Variants in CALN1 observed in about 807,000 individuals in gnomAD.
The protein encoded by CALN1 is calcium-binding protein 8.
In CALN1, 17 loss-of-function variants were observed where a neutral mutation model predicts 30.6. The observed-to-expected ratio is 0.56, with a 90% CI of 0.38 to 0.83. The LOEUF is 0.83. Among genes scored for constraint, CALN1 ranks in the 40% least tolerant of loss-of-function variants. The pLI, the probability that CALN1 is intolerant of heterozygous loss-of-function variation, is 0.00. For missense variants in CALN1, 291 were observed against 354.9 expected (o/e 0.82, Z 1.45); for synonymous variants, 156 against 131.4 (o/e 1.19, Z -1.28).
chr7:72,113,628 A>C (rs1807730538), intron 3 of CALN1, among the ~76,000 whole-genome samples: 1 of 152,114 alleles, frequency 6.6e-6, no homozygotes, highest in Admixed American at 6.6e-5. Context: ...TTCACAAATA[A>C]AGTTTTATTG....
At chr7:72,479,263 G>A in the CALN1 span, among the ~76,000 whole-genome samples, 1 of 152,140 alleles carries the variant, frequency 6.6e-6, no homozygotes, top group Non-Finnish European at 1.5e-5. Flanking sequence ...ATCAAGTTTG[G>A]AAAGTTCTTT....
At chr7:71,988,782 C>T (rs1369623418) in intron 5 of CALN1, among the ~76,000 whole-genome samples, 1 of 152,074 alleles carries the variant, frequency 6.6e-6, no homozygotes, top group African/African-American at 2.4e-5. Context: ...TAGAGCACTA[C>T]ATGGGAATAG....
the CALN1 span, among the ~76,000 whole-genome samples, chr7:72,487,359 C>T: frequency 6.6e-6 from 1 of 151,768 alleles, no homozygotes; most frequent in South Asian, 2.1e-4. Context: ...GTGTTGAGAC[C>T]AGGAAATAAA....
the CALN1 span, among the ~76,000 whole-genome samples, chr7:72,484,000 A>G: frequency 6.6e-6 from 1 of 151,898 alleles, no homozygotes; most frequent in Non-Finnish European, 1.5e-5. Context: ...ATCTTGGCTC[A>G]CTGCAAACTT....
At position 71,861,920 on chromosome 7, in the gene CALN1, C is replaced by T. The variant is rs150712875; in HGVS notation, c.502-51428G>A. 2.1e-4 allele frequency among the ~76,000 whole-genome samples: 32 copies of T among 152,256 alleles called. No individual in the cohort carries two copies. The East Asian group carries it at 6.0e-3, about 29-fold the overall frequency. ...TTTCCTTAGAGAATTCCAGGGCTGC[C>T]TGTCTACTTAGATGAAAATCCTTGA... On this transcript the variant is annotated intron_variant, in intron 5 of 6. Transcript: ENST00000395275.
intron 5 of CALN1, among the ~76,000 whole-genome samples, chr7:71,981,901 G>C (rs940914022): frequency 6.6e-6 from 1 of 152,096 alleles, no homozygotes; most frequent in Non-Finnish European, 1.5e-5. Flanking sequence ...GTGGTGGTAC[G>C]AGAGTCGAGG....
intron 2 of CALN1, among the ~76,000 whole-genome samples, chr7:72,313,768 T>C (rs1800226017): frequency 6.6e-6 from 1 of 152,108 alleles, no homozygotes; most frequent in Admixed American, 6.6e-5. Flanking sequence ...GAACTCATTT[T>C]CCCCTCTCTT....
At chr7:72,294,876 A>G (rs1447991436) in intron 2 of CALN1, among the ~76,000 whole-genome samples, 1 of 152,176 alleles carries the variant, frequency 6.6e-6, no homozygotes, top group Non-Finnish European at 1.5e-5. Flanking sequence ...GGATATGAAG[A>G]AAAGTGGGTA....
Position 72,194,655 on chromosome 7 carries a change from G to A in CALN1, c.244+84031C>T, listed in dbSNP as rs903951600. ...TCGCCAGGCTGGAGTGCAGTGGCACGATCTTGGCTCACTGAAACCTCTGCC... is the reference window on the plus strand; with the variant it reads ...TCGCCAGGCTGGAGTGCAGTGGCACAATCTTGGCTCACTGAAACCTCTGCC... On this transcript the variant is annotated intron_variant, in intron 3 of 6. Transcript: ENST00000395275. Among the ~76,000 whole-genome samples the A allele has an allele frequency of 3.5e-5, 5 of 140,952 alleles. No individual in the cohort carries two copies. In the South Asian group the frequency reaches 7.3e-4, roughly 20 times the overall value. The allele number at this position is 140,952 out of a possible 152,430, so 92.5% of individuals were successfully genotyped here. A position where few individuals can be genotyped will look rare whatever the true frequency, so the allele number is the denominator to read the frequency against.
chr7:72,394,281 T>C (rs1805773190), intron 2 of CALN1, among the ~76,000 whole-genome samples: 1 of 152,138 alleles, frequency 6.6e-6, no homozygotes, highest in South Asian at 2.1e-4. Context: ...TTAGGTGAAT[T>C]GGTATGGTAA....
chr7:71,868,701 T>C (rs1791741206), intron 5 of CALN1, among the ~76,000 whole-genome samples: 1 of 151,882 alleles, frequency 6.6e-6, no homozygotes, highest in African/African-American at 2.4e-5. Flanking sequence ...GGCTAAAGCA[T>C]TCATGAAGGG....
intron 2 of CALN1, among the ~76,000 whole-genome samples, chr7:72,388,141 T>G (rs113673193): frequency 4.6e-5 from 7 of 152,288 alleles, no homozygotes; most frequent in African/African-American, 1.7e-4. Flanking sequence ...AAAGAAATGA[T>G]AAATGTTTGA....
the CALN1 span, among the ~76,000 whole-genome samples, chr7:72,479,979 T>G: frequency 1.3e-5 from 2 of 152,386 alleles, no homozygotes; most frequent in Admixed American, 1.3e-4. Context: ...TTGACACTTT[T>G]GTCTACTTTT....
Position 72,111,087 on chromosome 7 carries a change from G to A in CALN1, c.245-4793C>T, listed in dbSNP as rs781482332. Among the ~76,000 whole-genome samples, 10 of 152,168 alleles carry A rather than the reference G, an allele frequency of 6.6e-5. No homozygotes were observed. The East Asian group carries it at 9.6e-4, about 15-fold the overall frequency. On this transcript the variant is annotated intron_variant, in intron 3 of 6. Transcript: ENST00000395275. ...TGGTGCGCCAGGGCTACGTGAGCAC[G>A]CTGTATCTTTGGTCTTTAATTAAAC...
intron 5 of CALN1, among the ~76,000 whole-genome samples, chr7:71,913,562 G>GT (rs1211384436): frequency 2.0e-5 from 3 of 152,294 alleles, no homozygotes; most frequent in East Asian, 3.9e-4. Flanking sequence ...AGGTTTTATT[G>GT]TTTTTTAAAA....
intron 2 of CALN1, among the ~76,000 whole-genome samples, chr7:72,370,133 TAC>T (rs753863902): frequency 2.0e-5 from 3 of 152,222 alleles, no homozygotes; most frequent in Non-Finnish European, 4.4e-5. Flanking sequence ...CAGAACTTGG[TAC>T]AGTCATTTTA....
intron 5 of CALN1, among the ~76,000 whole-genome samples, chr7:71,963,612 CTT>C (rs767419796): frequency 6.6e-6 from 1 of 152,120 alleles, no homozygotes; most frequent in Non-Finnish European, 1.5e-5. Flanking sequence ...GCCTAGGAAA[CTT>C]TTTCTCTTCT....
chr7:71,922,942 T>C (rs1489700129), intron 5 of CALN1, among the ~76,000 whole-genome samples: 3 of 148,636 alleles, frequency 2.0e-5, no homozygotes, highest in South Asian at 2.1e-4. Context: ...CTTATAGATA[T>C]ATGATATGTA....
At chr7:72,337,140 G>A (rs1802118265) in intron 2 of CALN1, 1 of 985,836 alleles carries the variant, frequency 1.0e-6, no homozygotes, top group Non-Finnish European at 1.2e-6. Context: ...AGGCCCCGCT[G>A]GAGTTGCGCG....
Sources: allele counts gnomAD v4.1 joint callset (sites outside exome capture counted in the v4.1 genomes callset), GRCh38; gene constraint gnomAD v4.1.1; transcripts MANE v1.5; gene names NCBI Gene and HGNC (gene_info 2026-07-23, HGNC 2026-07-21).